INO80: variants seen among roughly 807,000 people sequenced by gnomAD.
The protein encoded by INO80 is INO80 complex ATPase subunit.
INO80 carries 20 observed loss-of-function variants against 203.4 expected under a neutral mutation model. That is an observed-to-expected ratio of 0.10 (90% CI 0.07 to 0.14). The LOEUF is 0.14. INO80 is among the 10% of genes least tolerant of loss of function. INO80 has a pLI of 1.00. For synonymous variants in INO80, 726 were observed against 685.2 expected (o/e 1.06, Z -0.93); for missense variants, 1,419 against 1,914.4 (o/e 0.74, Z 4.83).
At chr15:41,086,268 G>T (rs577178177) in intron 6 of INO80, among the ~76,000 whole-genome samples, 1 of 152,220 alleles carries the variant, frequency 6.6e-6, no homozygotes, top group Non-Finnish European at 1.5e-5. Flanking sequence ...CCTTAATTCA[G>T]GTTGGAGAAA....
intron 14 of INO80, among the ~76,000 whole-genome samples, chr15:41,060,437 T>A (rs900186100): frequency 2.0e-5 from 3 of 151,730 alleles, no homozygotes; most frequent in Non-Finnish European, 4.4e-5. Flanking sequence ...AATACAAAAA[T>A]TAGCCGGGTG....
chr15:40,999,147 T>C (rs530109324), intron 28 of INO80: 5 of 152,286 alleles, frequency 3.3e-5, no homozygotes, highest in East Asian at 3.9e-4. Flanking sequence ...GTTTCAAATA[T>C]AGAATAAAGG....
intron 24 of INO80, among the ~76,000 whole-genome samples, chr15:41,040,581 A>G (rs1208555500): frequency 6.6e-6 from 1 of 152,216 alleles, no homozygotes; most frequent in East Asian, 1.9e-4. Flanking sequence ...TCATCAGAAG[A>G]CAACATTGAG....
chr15:40,995,892 ATGC>A (rs2043874436), intron 29 of INO80, among the ~76,000 whole-genome samples: 1 of 152,212 alleles, frequency 6.6e-6, no homozygotes, highest in African/African-American at 2.4e-5. Context: ...AGTATGACAG[ATGC>A]TGATGATGTA....
chr15:40,997,911 TCTCA>T (rs1016780940), intron 28 of INO80, among the ~76,000 whole-genome samples: 13 of 152,006 alleles, frequency 8.6e-5, no homozygotes, highest in African/African-American at 3.1e-4. Flanking sequence ...TACAGACCTC[TCTCA>T]CTGTCATATT....
intron 22 of INO80, 76 bp downstream of exon 22, chr15:41,048,136 T>G: frequency 1.8e-6 from 2 of 1,094,306 alleles, no homozygotes; most frequent in Non-Finnish European, 2.8e-6. Flanking sequence ...TCGTTCTAAA[T>G]CAGTCTCTCA....
chr15:41,069,655 A>G lies in INO80; in HGVS notation c.1697T>C (p.Ile566Thr), dbSNP rs1159351565. ...TGAAATTATTAAGAAAGGTCCCCAA[A>G]TGTTCTCTCTCTGCAACAGAAAAAC... ...LLAHLAEREN[I>T]WGPFLIISPA... Residue 566 changes from isoleucine to threonine, a missense_variant, in exon 14 of 36, where the codon ATT (isoleucine) becomes ACT (threonine). Physicochemically the swap from Ile to Thr is moderately conservative, Grantham distance 89 (BLOSUM62 -1). Coordinates refer to ENST00000648947, the MANE Select transcript of INO80 (RefSeq NM_017553.3). 6.2e-7 allele frequency: 1 copy of G among 1,605,684 alleles called. No individual in the cohort carries two copies. Among genetic ancestry groups the G allele is most frequent in the Admixed American group, 1.7e-5 (1 of 59,356 alleles).
chr15:41,087,994 T>A lies in INO80; in HGVS notation c.538-312A>T, dbSNP rs550351116. Among the ~76,000 whole-genome samples the A allele has an allele frequency of 2.7e-3, 409 of 152,106 alleles. 3 individuals carry two copies. Among genetic ancestry groups the A allele is most frequent in the South Asian group, 0.013 (62 of 4,812 alleles). On this transcript the variant is annotated intron_variant, in intron 5 of 35. Coordinates refer to ENST00000648947, the MANE Select transcript of INO80 (RefSeq NM_017553.3). ...ACATGAAATTAATTCCTTGCAGAAA[T>A]GTCTCCCCTTGGAAATTCACCACCA...
In INO80 at chr15:41,083,052, G is replaced by A. The variant is rs540701804; in HGVS notation, c.874-1979C>T. Among the ~76,000 whole-genome samples the A allele has an allele frequency of 4.5e-3, 688 of 152,086 alleles. 6 individuals are homozygous for A. Among genetic ancestry groups the A allele is most frequent in the African/African-American group, 0.015 (640 of 41,478 alleles). ...AATCCCGGCACTATGGGAGGCCGAG[G>A]CGCACAGATCATGAGGTCAGAAGAT... On this transcript the variant is annotated intron_variant, in intron 7 of 35. Coordinates refer to ENST00000648947, the MANE Select transcript of INO80 (RefSeq NM_017553.3).
chr15:41,047,774 TTC>T (rs2044795003), intron 22 of INO80, among the ~76,000 whole-genome samples: 1 of 152,176 alleles, frequency 6.6e-6, no homozygotes, highest in African/African-American at 2.4e-5. Context: ...CCTAAATGCC[TTC>T]TCTTTGTCCA....
chr15:41,002,391 T>A (rs1314762290), intron 28 of INO80, among the ~76,000 whole-genome samples: 1 of 144,086 alleles, frequency 6.9e-6, no homozygotes, highest in Non-Finnish European at 1.5e-5. Flanking sequence ...CTTCCCAAGT[T>A]AAGTAAGATA....
At chr15:41,061,673 T>TA (rs142797358) in intron 14 of INO80, among the ~76,000 whole-genome samples, 1,602 of 152,082 alleles carry the variant, frequency 0.011, 23 homozygotes, top group African/African-American at 0.037. Flanking sequence ...AAAAATACTT[T>TA]AAAAAATGCT....
At chr15:41,012,071 T>C (rs948203173) in intron 27 of INO80, among the ~76,000 whole-genome samples, 2 of 152,090 alleles carry the variant, frequency 1.3e-5, no homozygotes, top group African/African-American at 2.4e-5. Context: ...CTAGATGCAA[T>C]AGGAATGAAA....
chr15:40,984,137 C>G, intron 33 of INO80, 60 bp downstream of exon 33: 1 of 1,554,814 alleles, frequency 6.4e-7, no homozygotes, highest in East Asian at 2.3e-5. Context: ...CAGTGTGTCC[C>G]TGCTACACGG....
At chr15:41,092,764 C>T (rs1028364754) in intron 4 of INO80, among the ~76,000 whole-genome samples, 7 of 152,144 alleles carry the variant, frequency 4.6e-5, no homozygotes, top group Admixed American at 2.6e-4. Flanking sequence ...TCAATTTATA[C>T]GAAATGTCTA....
intron 14 of INO80, among the ~76,000 whole-genome samples, chr15:41,066,668 TA>T (rs888014755): frequency 9.6e-4 from 138 of 143,374 alleles, no homozygotes; most frequent in Non-Finnish European, 6.9e-4. Context: ...ACCATAAAAT[TA>T]AAAAAAAAAA....
intron 35 of INO80, among the ~76,000 whole-genome samples, chr15:40,982,107 T>C (rs954542894): frequency 6.6e-6 from 1 of 152,218 alleles, no homozygotes; most frequent in Non-Finnish European, 1.5e-5. Flanking sequence ...TTCTCATTGC[T>C]ATTATACACT....
rs752093250 is a variant in INO80 at position 41,047,456 on chromosome 15, A to G, written c.2687T>C (p.Ile896Thr). 3 of 1,613,228 alleles carry G rather than the reference A, an allele frequency of 1.9e-6. No homozygotes were observed. The highest frequency in any genetic ancestry group is 2.7e-5 in the African/African-American group (2 of 74,902). Residue 896 changes from isoleucine (I) to threonine (T), a missense_variant, in exon 23 of 36, where the codon ATA (isoleucine) becomes ACA (threonine). Transcript: ENST00000648947. ...SCFSFLRFID[I>T]SPAEMANLML... ...AAGGTTTGCCATTTCTGCTGGAGATATATCAATAAAGCGAAGGAAAGAGAA... is the reference window on the plus strand; with the variant it reads ...AAGGTTTGCCATTTCTGCTGGAGATGTATCAATAAAGCGAAGGAAAGAGAA...
chr15:41,039,915 T>C (rs1041588142), intron 24 of INO80, among the ~76,000 whole-genome samples: 2 of 152,180 alleles, frequency 1.3e-5, no homozygotes, highest in African/African-American at 4.8e-5. Context: ...TGAATACATG[T>C]ATATAATTTA....
Sources: allele counts gnomAD v4.1 joint callset (sites outside exome capture counted in the v4.1 genomes callset), GRCh38; gene constraint gnomAD v4.1.1; transcripts MANE v1.5; gene names NCBI Gene and HGNC (gene_info 2026-07-23, HGNC 2026-07-21).